The following NUP107 variants were observed in gnomAD, a reference collection of about 807,000 sequenced individuals.
NUP107 encodes the protein nucleoporin 107.
A neutral mutation model predicts 141.0 loss-of-function variants in NUP107; 101 were observed. The ratio of observed to expected loss-of-function variants is 0.72; its 90% CI spans 0.61 to 0.84. The LOEUF is 0.84. NUP107 is among the 40% of genes least tolerant of loss of function. The probability of loss-of-function intolerance (pLI) is 0.00; values close to 1 mark genes in which losing one functional copy is unlikely to be tolerated. For missense variants in NUP107, 941 were observed against 1,102.7 expected, an observed-to-expected ratio of 0.85 and a Z score of 2.08; for synonymous variants, 319 against 363.9, an observed-to-expected ratio of 0.88 and a Z score of 1.41.
At chr12:68,704,457 C>CT (rs761750242) in intron 8 of NUP107, among the ~76,000 whole-genome samples, 2,778 of 145,222 alleles carry the variant, frequency 0.019, 37 homozygotes, top group Non-Finnish European at 0.029. Context: ...AAAAGTAATT[C>CT]TTTTTTTTTT....
At chr12:68,736,296 T>A (rs996799481) in intron 26 of NUP107, among the ~76,000 whole-genome samples, 4 of 152,210 alleles carry the variant, frequency 2.6e-5, no homozygotes, top group Admixed American at 6.5e-5. Flanking sequence ...ATTTTTTTTT[T>A]AGCCTGTCTT....
chr12:68,726,543 A>G lies in NUP107; in HGVS notation c.1621A>G (p.Asn541Asp), dbSNP rs767468734. ...FSKWLSKSRN[N>D]LPGHLLRFMT... ...CAAATGGCTTTCCAAAAGCAGAAACAATCTACCTGGACACCTGCTTCGCTT... is the reference window on the plus strand; with the variant it reads ...CAAATGGCTTTCCAAAAGCAGAAACGATCTACCTGGACACCTGCTTCGCTT... The change falls in exon 19 of 28, where the codon AAT becomes GAT. Residue 541 changes from asparagine (N) to aspartate (D), a missense_variant. Coordinates refer to ENST00000229179, the MANE Select transcript of NUP107 (RefSeq NM_020401.4). The G allele has an allele frequency of 8.7e-6, 14 of 1,614,032 alleles. No homozygotes were observed. Among genetic ancestry groups the G allele is most frequent in the Non-Finnish European group, 1.2e-5 (14 of 1,179,962 alleles).
rs1877561931 is a variant in NUP107, at chr12:68,726,327, C to T, written c.1577-172C>T. ...CATTTGGTTTTTATAAAATAAAGTT[C>T]GGATTGAACCCAAACTCTGTTTCAA... On this transcript the variant is annotated intron_variant, in intron 18 of 27. Coordinates refer to ENST00000229179, the MANE Select transcript of NUP107 (RefSeq NM_020401.4). Among the ~76,000 whole-genome samples the T allele has an allele frequency of 3.3e-5, 5 of 152,062 alleles. No individual in the cohort carries two copies. The South Asian group carries it at 8.3e-4, about 25-fold the overall frequency.
intron 15 of NUP107, 116 bp from the exon 16 acceptor site, chr12:68,721,725 C>A: frequency 9.9e-7 from 1 of 1,008,876 alleles, no homozygotes; most frequent in Non-Finnish European, 1.4e-6. Flanking sequence ...TTAAAATCTG[C>A]CGTGTTTTAT....
chr12:68,726,526 T>A lies in NUP107; in HGVS notation c.1604T>A (p.Leu535His). The A allele has an allele frequency of 6.2e-7, 1 of 1,613,832 alleles. No homozygotes were observed. The highest frequency in any genetic ancestry group is 8.5e-7 in the Non-Finnish European group (1 of 1,179,796). ...DGLMDEFSKW[L>H]SKSRNNLPGH... Reference sequence around the variant, plus strand: ...TTGATGGATGAGTTTAGCAAATGGCTTTCCAAAAGCAGAAACAATCTACCT... The same window carrying A: ...TTGATGGATGAGTTTAGCAAATGGCATTCCAAAAGCAGAAACAATCTACCT... The change falls in exon 19 of 28, where the codon CTT becomes CAT. Residue 535 changes from leucine (L) to histidine (H), a missense_variant. Leu to His is a moderately conservative substitution (Grantham distance 99). Coordinates refer to ENST00000229179, the MANE Select transcript of NUP107 (RefSeq NM_020401.4).
intron 9 of NUP107, 29 bp downstream of exon 9, chr12:68,709,338 A>G: frequency 1.5e-6 from 2 of 1,354,972 alleles, no homozygotes; most frequent in Non-Finnish European, 2.1e-6. Context: ...ATTTTTTTTT[A>G]TGAAACATGG....
rs539347615 is a variant in NUP107, at chr12:68,690,622, T to G, written c.188-9T>G. The G allele has an allele frequency of 6.2e-7, 1 of 1,614,188 alleles. No individual in the cohort carries two copies. Among genetic ancestry groups the G allele is most frequent in the South Asian group, 1.1e-5 (1 of 91,086 alleles). On this transcript the variant is annotated splice_polypyrimidine_tract_variant and intron_variant, in intron 3 of 27. Transcript: ENST00000229179. ...CTTTAGGTTCTTTCTACCAACCTTT[T>G]GTTTATAGTTACCCCAACAAGCCGA... is the stretch of plus-strand genomic sequence containing the variant.
Position 68,731,282 on chromosome 12 carries a change from G to A in NUP107, c.1885+22G>A, listed in dbSNP as rs775717509. On this transcript the variant is annotated intron_variant, in intron 21 of 27. Transcript: ENST00000229179. ...GCAGGTAAAAATGGTTGAAAACTTT[G>A]TCTTTTGGCCTTTCTAGGCAAATGT... is the stretch of plus-strand genomic sequence containing the variant. The A allele has an allele frequency of 3.2e-6, 5 of 1,584,256 alleles. No homozygotes were observed. The East Asian group carries it at 9.0e-5, about 29-fold the overall frequency.
rs1282527169 is a variant in NUP107, at chr12:68,721,839, A to C, written c.1312-2A>C. ...TGTTTCTGTTTTGTAATGGGGAAAA[A>C]GCTGCTTCCTGTCTGTGACACCTGG... is the stretch of plus-strand genomic sequence containing the variant. On this transcript the variant is annotated splice_acceptor_variant, in intron 15 of 27. Coordinates refer to ENST00000229179, the MANE Select transcript of NUP107 (RefSeq NM_020401.4). LOFTEE classifies it high-confidence loss of function. The C allele has an allele frequency of 3.1e-6, 5 of 1,610,592 alleles. No homozygotes were observed. The highest frequency in any genetic ancestry group is 1.7e-4 in the Middle Eastern group (1 of 6,058).
rs1387263765 is a variant in NUP107, at chr12:68,721,995, G to A, written c.1457+9G>A. 28 of 1,613,130 alleles carry A rather than the reference G, an allele frequency of 1.7e-5. No individual in the cohort carries two copies. In the Admixed American group the frequency reaches 4.7e-4, roughly 27 times the overall value. ...GAATATCTGGGAGCAAAGTGAGTTT[G>A]TTGGATTGTTTTGAGTCATGGTGAT... On this transcript the variant is annotated intron_variant, in intron 16 of 27. Transcript: ENST00000229179.
At chr12:68,715,234 G>A (rs990622339) in intron 11 of NUP107, among the ~76,000 whole-genome samples, 2 of 152,276 alleles carry the variant, frequency 1.3e-5, no homozygotes, top group East Asian at 1.9e-4. Flanking sequence ...AGTGGTTCAC[G>A]CCTGTAATCC....
chr12:68,715,504 A>G (rs1877062410), intron 11 of NUP107, 123 bp from the exon 12 acceptor site: 1 of 655,120 alleles, frequency 1.5e-6, no homozygotes, highest in Non-Finnish European at 2.7e-6. Flanking sequence ...GGAAAAGAAA[A>G]AAGAAAAAAT....
In NUP107 at chr12:68,709,253, G is replaced by T; in HGVS notation, c.745G>T (p.Glu249Ter). ...TTCATAATAGGCTGTTAATGCCAGT[G>T]AAAAAACAGTTGTGGAAGCGTTATT... ...VFAVTAVNAS[E>*]KTVVEALFQR... The change falls in exon 9 of 28, where the codon GAA (glutamate) becomes TAA (stop). Residue 249 changes from glutamate (E) to a stop codon, truncating the protein, a stop_gained. Transcript: ENST00000229179. LOFTEE classifies it high-confidence loss of function. The T allele has an allele frequency of 6.2e-7, 1 of 1,600,648 alleles. No homozygotes were observed. The highest frequency in any genetic ancestry group is 8.5e-7 in the Non-Finnish European group (1 of 1,174,068).
In NUP107 at chr12:68,688,870, CT is replaced by C. The variant is rs35079356; in HGVS notation, c.9-91del. On this transcript the variant is annotated intron_variant, in intron 1 of 27. Coordinates refer to ENST00000229179, the MANE Select transcript of NUP107 (RefSeq NM_020401.4). ...ACTAGAATGACTATACCTTAACTTA[CT>C]CAGGGTCCTTTACTCCAACTGTGAT... 24,097 of 886,082 alleles carry C rather than the reference CT, an allele frequency of 0.027. 427 individuals are homozygous for C. Among genetic ancestry groups the C allele is most frequent in the African/African-American group, 0.047 (2,787 of 59,824 alleles). The allele number at this position is 886,082 out of a possible 1,614,324, so 54.9% of individuals were successfully genotyped here. A position where few individuals can be genotyped will look rare whatever the true frequency, so the allele number is the denominator to read the frequency against.
rs367699605 is a variant in NUP107, at chr12:68,709,263, T to C, written c.755T>C (p.Val252Ala). Residue 252 changes from valine to alanine, a missense_variant, in exon 9 of 28, where the codon GTT becomes GCT. Val to Ala is a moderately conservative substitution (Grantham distance 64). Coordinates refer to ENST00000229179, the MANE Select transcript of NUP107 (RefSeq NM_020401.4). ...VTAVNASEKTVVEALFQRDSL... is the reference protein window; with the variant it reads ...VTAVNASEKTAVEALFQRDSL... ...GCTGTTAATGCCAGTGAAAAAACAG[T>C]TGTGGAAGCGTTATTTCAGAGGGAT... 6 of 1,603,780 alleles carry C rather than the reference T, an allele frequency of 3.7e-6. No homozygotes were observed. The highest frequency in any genetic ancestry group is 4.2e-6 in the Non-Finnish European group (5 of 1,176,516).
intron 23 of NUP107, 58 bp downstream of exon 23, chr12:68,732,797 A>C: frequency 8.5e-7 from 1 of 1,178,784 alleles, no homozygotes; most frequent in Non-Finnish European, 1.2e-6. Context: ...TTCCTACCTC[A>C]GCCTCCCAAG....
intron 20 of NUP107, among the ~76,000 whole-genome samples, chr12:68,729,144 T>A (rs1436334459): frequency 6.6e-6 from 1 of 152,220 alleles, no homozygotes; most frequent in East Asian, 1.9e-4. Flanking sequence ...TCACACGGCA[T>A]TTTAAATGGA....
chr12:68,738,428 G>A (rs1189690626), intron 26 of NUP107, among the ~76,000 whole-genome samples: 1 of 148,852 alleles, frequency 6.7e-6, no homozygotes, highest in East Asian at 2.0e-4. Flanking sequence ...TCCAGCCTGG[G>A]CAACAAAGGG....
intron 17 of NUP107, among the ~76,000 whole-genome samples, chr12:68,724,270 G>T (rs920460557): frequency 2.0e-5 from 3 of 151,852 alleles, no homozygotes; most frequent in Non-Finnish European, 2.9e-5. Context: ...TTAATCCAGG[G>T]TTTCAAGCCC....
Sources: allele counts gnomAD v4.1 joint callset (sites outside exome capture counted in the v4.1 genomes callset), GRCh38; gene constraint gnomAD v4.1.1; transcripts MANE v1.5; gene names NCBI Gene and HGNC (gene_info 2026-07-23, HGNC 2026-07-21).